The following ST3GAL3 variants were observed in gnomAD, a reference collection of about 807,000 sequenced individuals.
ST3GAL3 encodes ST3 beta-galactoside alpha-2,3-sialyltransferase 3.
In ST3GAL3, 21 loss-of-function variants were observed where a neutral mutation model predicts 50.1. That is an observed-to-expected ratio of 0.42 (90% confidence interval 0.30 to 0.60). ST3GAL3 has a LOEUF of 0.60. Ranked by LOEUF, ST3GAL3 falls within the 20% of genes least tolerant of loss-of-function variation. The pLI is 0.19. For missense variants in ST3GAL3, 353 were observed against 489.4 expected (o/e 0.72, Z 2.63); for synonymous variants, 183 against 190.0 (o/e 0.96, Z 0.30).
chr1:43,719,177 TTTAATGTAAGAA>T (rs1669037201), intron 1 of ST3GAL3: 1 of 152,182 alleles, frequency 6.6e-6, no homozygotes, highest in South Asian at 2.1e-4. Context: ...ACAGATAAGG[TTTAATGTAAGAA>T]TTACTTAACT....
At chr1:43,848,517 C>T (rs183326732) in intron 5 of ST3GAL3, among the ~76,000 whole-genome samples, 504 of 152,034 alleles carry the variant, frequency 3.3e-3, no homozygotes, top group Non-Finnish European at 5.9e-3. Flanking sequence ...GTTAGCCAGG[C>T]TGGTCTCAAA....
intron 4 of ST3GAL3, among the ~76,000 whole-genome samples, chr1:43,821,515 G>C (rs1453596884): frequency 6.6e-6 from 1 of 152,204 alleles, no homozygotes; most frequent in African/African-American, 2.4e-5. Flanking sequence ...AATGTGGACC[G>C]TGCCAGGGGA....
intron 9 of ST3GAL3, among the ~76,000 whole-genome samples, chr1:43,918,119 CT>C (rs573834844): frequency 2.1e-4 from 28 of 133,904 alleles, no homozygotes; most frequent in East Asian, 4.3e-4. Context: ...TTTTCTTTCT[CT>C]TTTTTTTTTT....
intron 9 of ST3GAL3, among the ~76,000 whole-genome samples, chr1:43,904,956 T>C (rs1187679044): frequency 7.5e-5 from 1 of 13,316 alleles, no homozygotes; most frequent in African/African-American, 3.3e-4. Context: ...TCTGCCACTC[T>C]TCCTCCCCTT....
chr1:43,768,440 C>T (rs1037881504), intron 2 of ST3GAL3, among the ~76,000 whole-genome samples: 2 of 152,074 alleles, frequency 1.3e-5, no homozygotes, highest in Non-Finnish European at 2.9e-5. Flanking sequence ...GACCCCATCT[C>T]TAAAAATAAA....
intron 1 of ST3GAL3, among the ~76,000 whole-genome samples, chr1:43,715,708 A>G (rs1266590434): frequency 1.3e-5 from 2 of 152,178 alleles, no homozygotes; most frequent in African/African-American, 2.4e-5. Context: ...GGATTGCCTG[A>G]GCCTAGGAGG....
At chr1:43,810,018 G>GAA (rs2060365392) in intron 3 of ST3GAL3, among the ~76,000 whole-genome samples, 1 of 144,744 alleles carries the variant, frequency 6.9e-6, no homozygotes, top group South Asian at 2.2e-4. Context: ...AAGAAAGAAA[G>GAA]AAAAAAGAAA....
At chr1:43,900,160 C>G (rs1366232229) in intron 9 of ST3GAL3, among the ~76,000 whole-genome samples, 1 of 152,248 alleles carries the variant, frequency 6.6e-6, no homozygotes, top group Non-Finnish European at 1.5e-5. Context: ...TGTAAGGTCT[C>G]TCTGGCTCTG....
intron 2 of ST3GAL3, among the ~76,000 whole-genome samples, chr1:43,761,684 C>T (rs1183044015): frequency 6.6e-6 from 1 of 151,844 alleles, no homozygotes; most frequent in South Asian, 2.1e-4. Flanking sequence ...GGCGCGGTGG[C>T]TCATGCCTGT....
At chr1:43,798,738 T>C (rs2058976855) in intron 3 of ST3GAL3, among the ~76,000 whole-genome samples, 1 of 152,214 alleles carries the variant, frequency 6.6e-6, no homozygotes, top group Non-Finnish European at 1.5e-5. Context: ...TATTTGCTTA[T>C]TTACTTGCAC....
chr1:43,873,238 A>T (rs1343443420), intron 5 of ST3GAL3, among the ~76,000 whole-genome samples: 2 of 152,182 alleles, frequency 1.3e-5, no homozygotes, highest in Non-Finnish European at 2.9e-5. Flanking sequence ...GTGGTAAGAA[A>T]GCGTCAAGTT....
chr1:43,748,457 C>T (rs1323336654), intron 2 of ST3GAL3, among the ~76,000 whole-genome samples: 1 of 125,236 alleles, frequency 8.0e-6, no homozygotes, highest in East Asian at 2.3e-4. Flanking sequence ...GAGCCAGAGT[C>T]TGGCTCTGTC....
chr1:43,788,027 G>C (rs2057564810), intron 2 of ST3GAL3, among the ~76,000 whole-genome samples: 1 of 152,126 alleles, frequency 6.6e-6, no homozygotes, highest in South Asian at 2.1e-4. Flanking sequence ...TGAGTTGGAG[G>C]TTAAAATCCT....
chr1:43,867,936 A>G (rs559144857), intron 5 of ST3GAL3, among the ~76,000 whole-genome samples: 1 of 152,358 alleles, frequency 6.6e-6, no homozygotes, highest in East Asian at 1.9e-4. Flanking sequence ...TCTCTCCAAA[A>G]TTATGGGAGG....
At chr1:43,916,382 C>T (rs2081807563) in intron 9 of ST3GAL3, among the ~76,000 whole-genome samples, 1 of 152,108 alleles carries the variant, frequency 6.6e-6, no homozygotes, top group African/African-American at 2.4e-5. Flanking sequence ...TAGACTCGAA[C>T]TTGATGACCA....
intron 1 of ST3GAL3, chr1:43,727,394 C>T (rs775697412): frequency 2.0e-5 from 3 of 151,710 alleles, no homozygotes; most frequent in Admixed American, 6.6e-5. Context: ...AAAGGGAGGT[C>T]GATATTAATC....
chr1:43,918,029 G>A (rs1404794897), intron 9 of ST3GAL3, among the ~76,000 whole-genome samples: 1 of 150,768 alleles, frequency 6.6e-6, no homozygotes, highest in Non-Finnish European at 1.5e-5. Flanking sequence ...GTCAAAACGT[G>A]TCAGTCAAAA....
intron 3 of ST3GAL3, among the ~76,000 whole-genome samples, chr1:43,798,019 A>G (rs963526026): frequency 1.3e-5 from 2 of 152,206 alleles, no homozygotes; most frequent in African/African-American, 4.8e-5. Flanking sequence ...GCTTATATAT[A>G]AATCTGATGA....
intron 2 of ST3GAL3, among the ~76,000 whole-genome samples, chr1:43,762,377 T>C (rs1421934796): frequency 6.6e-6 from 1 of 152,166 alleles, no homozygotes; most frequent in Non-Finnish European, 1.5e-5. Flanking sequence ...GTTTTACTTA[T>C]TGGCCTTTGT....
Sources: gnomAD v4.1 joint callset for allele counts (sites outside exome capture counted in the v4.1 genomes callset) on GRCh38, gnomAD v4.1.1 for gene constraint, MANE v1.5 for transcripts, NCBI Gene and HGNC (gene_info 2026-07-23, HGNC 2026-07-21) for gene names.